The following DENND2C variants were observed in gnomAD, a reference collection of about 807,000 sequenced individuals.
DENND2C encodes DENN domain containing 2C.
DENND2C carries 72 observed loss-of-function variants against 112.4 expected under a neutral mutation model. That is an observed-to-expected ratio of 0.64 (90% CI 0.53 to 0.78). The LOEUF (loss-of-function observed/expected upper bound fraction) is 0.78. DENND2C is among the 30% of genes least tolerant of loss of function. The probability of loss-of-function intolerance (pLI) is 0.00; values close to 1 mark genes in which losing one functional copy is unlikely to be tolerated. For missense variants in DENND2C, 992 were observed against 1,113.8 expected, an observed-to-expected ratio of 0.89 and a Z score of 1.56; for synonymous variants, 329 against 381.6, an observed-to-expected ratio of 0.86 and a Z score of 1.61.
At position 114,587,335 on chromosome 1, in the gene DENND2C, C is replaced by T. The variant is rs1015941222; in HGVS notation, c.2755+52G>A. On this transcript the variant is annotated intron_variant, in intron 20 of 20. Transcript: ENST00000393274. ...GTGCTGGAATTACAGGCATGAGCCA[C>T]CGCGCCTGGTCTTCAGCCACATTTA... 5 of 1,597,090 alleles carry T rather than the reference C, an allele frequency of 3.1e-6. No homozygotes were observed. In the Admixed American group the frequency reaches 8.3e-5, roughly 27 times the overall value.
chr1:114,618,323 A>G, intron 8 of DENND2C, 63 bp downstream of exon 8: 2 of 1,229,900 alleles, frequency 1.6e-6, no homozygotes, highest in East Asian at 2.5e-5. Context: ...ATTAAGTTAT[A>G]TGGTGATTCT....
At chr1:114,660,173 T>C (rs771560272) in intron 1 of DENND2C, among the ~76,000 whole-genome samples, 4 of 152,218 alleles carry the variant, frequency 2.6e-5, no homozygotes, top group Non-Finnish European at 5.9e-5. Flanking sequence ...CAATGTGATA[T>C]AGTAAATAGG....
intron 9 of DENND2C, among the ~76,000 whole-genome samples, chr1:114,610,781 A>C (rs1655795308): frequency 6.6e-6 from 1 of 152,010 alleles, no homozygotes; most frequent in South Asian, 2.1e-4. Context: ...AAACTACTGC[A>C]TATATGTCTG....
In DENND2C at chr1:114,604,825, T is replaced by A. The variant is rs182477372; in HGVS notation, c.1667+97A>T. The A allele has an allele frequency of 4.6e-5, 39 of 842,656 alleles. No individual in the cohort carries two copies. In the African/African-American group the frequency reaches 4.7e-4, roughly 10 times the overall value. 52.2% of individuals were successfully genotyped at this position (842,656 alleles called of 1,614,324 possible). On this transcript the variant is annotated intron_variant, in intron 11 of 20. Transcript: ENST00000393274. ...CCACATCCTTGACTTGCCACAGTAT[T>A]CACATAGCTTCACTAATGGCTGTAC...
intron 18 of DENND2C, among the ~76,000 whole-genome samples, chr1:114,593,095 A>G (rs1193904808): frequency 6.6e-6 from 1 of 152,074 alleles, no homozygotes; most frequent in Admixed American, 6.6e-5. Context: ...GGCCTCCCAA[A>G]GTGCTGGGAT....
chr1:114,659,916 G>C (rs76654043), intron 1 of DENND2C, among the ~76,000 whole-genome samples: 1 of 151,340 alleles, frequency 6.6e-6, no homozygotes, highest in Non-Finnish European at 1.5e-5. Context: ...TCAATCTCCC[G>C]GATAGCTAAG....
intron 11 of DENND2C, 52 bp downstream of exon 11, chr1:114,604,870 A>T: frequency 2.7e-5 from 36 of 1,324,684 alleles, no homozygotes; most frequent in Non-Finnish European, 3.9e-5. Flanking sequence ...AAATACTCTG[A>T]TTTATTTTTG....
rs1035921997 is a variant in DENND2C, at chr1:114,625,464, T to G, written c.521A>C (p.Lys174Thr). The part of the protein sequence containing the change: ...LALEHCDSSE[K>T]ELNFRVLDSS... ...ATCCAGAACTCTGAAGTTCAGTTCTTTTTCTGAAGAGTCACAATGTTCTAA... is the reference window on the plus strand; with the variant it reads ...ATCCAGAACTCTGAAGTTCAGTTCTGTTTCTGAAGAGTCACAATGTTCTAA... The change falls in exon 4 of 21, where the codon AAA (lysine) becomes ACA (threonine). Residue 174 changes from lysine to threonine, a missense_variant. Coordinates refer to ENST00000393274, the MANE Select transcript of DENND2C (RefSeq NM_001256404.2). 3.7e-6 allele frequency: 6 copies of G among 1,614,046 alleles called. No individual in the cohort carries two copies. In the African/African-American group the frequency reaches 8.0e-5, roughly 22 times the overall value.
At chr1:114,593,580 T>A (rs1655253116) in intron 18 of DENND2C, among the ~76,000 whole-genome samples, 1 of 151,564 alleles carries the variant, frequency 6.6e-6, no homozygotes, top group Non-Finnish European at 1.5e-5. Flanking sequence ...AGACCAGGAG[T>A]TTGAAATCAA....
In DENND2C at chr1:114,587,891, T is replaced by C; in HGVS notation, c.2493A>G (p.Gly831=). The C allele has an allele frequency of 1.2e-6, 2 of 1,614,156 alleles. No individual in the cohort carries two copies. The highest frequency in any genetic ancestry group is 1.7e-6 in the Non-Finnish European group (2 of 1,180,034). ...TGACAGTCATGTTCAAAGAATAATG[T>C]CCTACCAACTCCACAAAAAACCTGA... ...AFVRFFVELV[G]HYSLNMTVTE... is the part of the protein sequence containing the mutation. Residue 831 remains glycine, a synonymous_variant, in exon 19 of 21, where the codon GGA becomes GGG. Coordinates refer to ENST00000393274, the MANE Select transcript of DENND2C (RefSeq NM_001256404.2).
chr1:114,593,249 C>T (rs1330567868), intron 18 of DENND2C, among the ~76,000 whole-genome samples: 3 of 152,182 alleles, frequency 2.0e-5, no homozygotes, highest in South Asian at 4.1e-4. Context: ...AATCTAACCA[C>T]GCCATTTACA....
At chr1:114,612,351 A>ATTT (rs376474647) in intron 8 of DENND2C, among the ~76,000 whole-genome samples, 5 of 139,172 alleles carry the variant, frequency 3.6e-5, no homozygotes, top group Admixed American at 7.3e-5. Flanking sequence ...GCAGTTATAA[A>ATTT]TTTTTTTTTT....
At chr1:114,623,154 ACCAC>A in intron 5 of DENND2C, 55 bp from the exon 6 acceptor site, 1 of 1,494,960 alleles carries the variant, frequency 6.7e-7, no homozygotes. Context: ...TGCAAAGATA[ACCAC>A]AGCTGGCAAA....
At chr1:114,663,894 A>C (rs942157231) in intron 1 of DENND2C, among the ~76,000 whole-genome samples, 1 of 151,776 alleles carries the variant, frequency 6.6e-6, no homozygotes, top group South Asian at 2.1e-4. Context: ...AATATTTGCT[A>C]TCTAGCCCTT....
At chr1:114,607,018 T>C (rs183626059) in intron 10 of DENND2C, among the ~76,000 whole-genome samples, 171 of 152,316 alleles carry the variant, frequency 1.1e-3, no homozygotes, top group African/African-American at 4.0e-3. Flanking sequence ...TGCAGGGCAA[T>C]GCTGGTCTGA....
intron 7 of DENND2C, among the ~76,000 whole-genome samples, chr1:114,620,910 TA>T (rs1440370216): frequency 6.6e-6 from 1 of 152,196 alleles, no homozygotes; most frequent in Non-Finnish European, 1.5e-5. Context: ...TGTTTAATGT[TA>T]AAATCAGGTA....
At chr1:114,600,493 T>C (rs1030550949) in intron 14 of DENND2C, 141 bp from the exon 15 acceptor site, 10 of 1,103,496 alleles carry the variant, frequency 9.1e-6, no homozygotes, top group Non-Finnish European at 1.3e-5. Context: ...CCTATACTAA[T>C]GCCAGGACCC....
At chr1:114,593,236 G>A (rs1655244908) in intron 18 of DENND2C, among the ~76,000 whole-genome samples, 1 of 152,018 alleles carries the variant, frequency 6.6e-6, no homozygotes, top group Non-Finnish European at 1.5e-5. Flanking sequence ...TCCAAGTGTT[G>A]GAAATCTAAC....
chr1:114,590,040 T>A (rs1365685081), intron 18 of DENND2C, among the ~76,000 whole-genome samples: 1 of 152,218 alleles, frequency 6.6e-6, no homozygotes, highest in Admixed American at 6.5e-5. Context: ...TTGAACGGTA[T>A]ACAAAATATT....
Sources: allele counts gnomAD v4.1 joint callset (sites outside exome capture counted in the v4.1 genomes callset), GRCh38; gene constraint gnomAD v4.1.1; transcripts MANE v1.5; gene names NCBI Gene and HGNC (gene_info 2026-07-23, HGNC 2026-07-21).